Variants in ERI1 observed in about 807,000 individuals in gnomAD.
ERI1 encodes exoribonuclease 1, also known as 3'-5' exoribonuclease 1.
In ERI1, 39 loss-of-function variants were observed where a neutral mutation model predicts 39.7. The observed-to-expected ratio is 0.98, with a 90% CI of 0.76 to 1.28. ERI1 has a LOEUF of 1.28. ERI1 is among the 50% of genes most tolerant of loss of function. The pLI is 0.00. For missense variants in ERI1, 581 were observed against 416.9 expected (o/e 1.39, Z -3.43); for synonymous variants, 204 against 149.6 (o/e 1.36, Z -2.65).
chr8:9,009,020 T>C (rs1816375010), intron 2 of ERI1: 1 of 456,288 alleles, frequency 2.2e-6, no homozygotes, highest in Non-Finnish European at 4.4e-6. Flanking sequence ...CCCGATTCTT[T>C]CTGTTATGAA....
chr8:9,036,975 T>C (rs565836618), downstream of ERI1, among the ~76,000 whole-genome samples: 2 of 152,218 alleles, frequency 1.3e-5, no homozygotes, highest in African/African-American at 4.8e-5. Flanking sequence ...TAGCACAATG[T>C]CCTTTATTGT....
At chr8:9,078,275 C>A (rs1003857149) in intron 3 of ERI1, among the ~76,000 whole-genome samples, 1 of 152,208 alleles carries the variant, frequency 6.6e-6, no homozygotes, top group African/African-American at 2.4e-5. Flanking sequence ...CAAGTGTGAG[C>A]CACCACACCT....
intron 5 of ERI1, 63 bp downstream of exon 5, chr8:9,018,469 T>C: frequency 1.1e-6 from 1 of 935,014 alleles, no homozygotes; most frequent in Non-Finnish European, 1.6e-6. Context: ...TACCCTTATT[T>C]ATCTGATTTT....
intron 3 of ERI1, among the ~76,000 whole-genome samples, chr8:9,090,079 G>T (rs546214056): frequency 3.9e-5 from 6 of 152,142 alleles, no homozygotes; most frequent in African/African-American, 1.4e-4. Flanking sequence ...GCACGTGTGC[G>T]GATGTGCAAC....
chr8:9,042,128 A>G (rs1798043308), intron 3 of ERI1, among the ~76,000 whole-genome samples: 1 of 152,218 alleles, frequency 6.6e-6, no homozygotes, highest in Non-Finnish European at 1.5e-5. Flanking sequence ...AATTAGATGT[A>G]GTAGAATAAG....
chr8:9,067,933 C>CACAA (rs1798933570), intron 3 of ERI1, among the ~76,000 whole-genome samples: 1 of 151,914 alleles, frequency 6.6e-6, no homozygotes, highest in Non-Finnish European at 1.5e-5. Flanking sequence ...TACACACACA[C>CACAA]ACACACACAC....
chr8:9,066,715 A>G (rs1237743799), intron 3 of ERI1, among the ~76,000 whole-genome samples: 1 of 152,236 alleles, frequency 6.6e-6, no homozygotes, highest in Non-Finnish European at 1.5e-5. Flanking sequence ...GAAATTTAAA[A>G]GAAAGGAAGA....
intron 1 of ERI1, among the ~76,000 whole-genome samples, chr8:9,005,398 A>T (rs12680063): frequency 6.6e-6 from 1 of 151,610 alleles, no homozygotes; most frequent in East Asian, 1.9e-4. Context: ...AAAAAATGCT[A>T]AAAATCAAGC....
intron 6 of ERI1, among the ~76,000 whole-genome samples, chr8:9,025,401 G>T (rs1292887872): frequency 1.3e-5 from 2 of 152,178 alleles, no homozygotes; most frequent in African/African-American, 2.4e-5. Context: ...CTTCTTATAG[G>T]GACTTGTTCA....
chr8:9,004,101 C>T (rs2117162757), intron 1 of ERI1: 2 of 1,289,264 alleles, frequency 1.6e-6, no homozygotes, highest in East Asian at 5.5e-5. Flanking sequence ...TGTTCTTTGA[C>T]ATTGGAAAGA....
At position 9,015,709 on chromosome 8, in the gene ERI1, G is replaced by A. The variant is rs113262909; in HGVS notation, c.499-613G>A. On this transcript the variant is annotated intron_variant, in intron 3 of 6. Coordinates refer to ENST00000250263, the MANE Select transcript of ERI1 (RefSeq NM_153332.4). Reference sequence around the variant, plus strand: ...TGCACTCCAGCCTGGGAGACAGAGCGAGACTCTGTCTCCAAAAAAAAAAAA... The same window carrying A: ...TGCACTCCAGCCTGGGAGACAGAGCAAGACTCTGTCTCCAAAAAAAAAAAA... Among the ~76,000 whole-genome samples the A allele has an allele frequency of 8.9e-3, 913 of 102,040 alleles. 8 individuals are homozygous for A. Among genetic ancestry groups the A allele is most frequent in the African/African-American group, 0.043 (869 of 20,414 alleles). 66.9% of individuals were successfully genotyped at this position (102,040 alleles called of 152,430 possible). A position where few individuals can be genotyped will look rare whatever the true frequency, so the allele number is the denominator to read the frequency against.
At chr8:9,010,263 C>G (rs1273889181) in intron 2 of ERI1, among the ~76,000 whole-genome samples, 2 of 152,134 alleles carry the variant, frequency 1.3e-5, no homozygotes, top group African/African-American at 4.8e-5. Flanking sequence ...GCAGACAACT[C>G]TGGTAAATGT....
intron 2 of ERI1, among the ~76,000 whole-genome samples, chr8:9,008,383 G>C (rs1322040741): frequency 6.6e-6 from 1 of 152,144 alleles, no homozygotes; most frequent in African/African-American, 2.4e-5. Context: ...TACCGGCAAT[G>C]TATAGGAGTC....
rs1181156430 is a variant in ERI1 at position 9,016,355 on chromosome 8, AT to A, written c.534del (p.Asn179ThrfsTer11). 1 of 1,607,596 alleles carries A rather than the reference AT, an allele frequency of 6.2e-7. No homozygotes were observed. Among genetic ancestry groups the A allele is most frequent in the African/African-American group, 1.3e-5 (1 of 74,624 alleles). On this transcript the variant is annotated frameshift_variant, in exon 4 of 7. Coordinates refer to ENST00000250263, the MANE Select transcript of ERI1 (RefSeq NM_153332.4). LOFTEE classifies it high-confidence loss of function. ...DTFQQYVRPE[I>X]NTQLSDFCIS... ...GTTTCAGCAGTATGTAAGACCAGAG[AT>A]TAACACACAGCTGTCTGATTTCTGC...
rs138737787 is a variant in ERI1 at position 9,008,077 on chromosome 8, G to T, written c.216G>T (p.Thr72=). ...CGGTTTACAAAGAGATTGCCATTAC[G>T]AATGGCTGTATTAATAGAATGAGTA... ...SDPVYKEIAI[T]NGCINRMSKE... The change falls in exon 2 of 7, where the codon ACG becomes ACT. Residue 72 remains threonine (T), a synonymous_variant. Transcript: ENST00000250263. The T allele has an allele frequency of 1.5e-5, 24 of 1,611,384 alleles. No individual in the cohort carries two copies. The highest frequency in any genetic ancestry group is 2.0e-5 in the Non-Finnish European group (23 of 1,179,350).
rs116352033 is a variant in ERI1 at position 9,042,784 on chromosome 8, A to G, written n.299+22320A>G. Among the ~76,000 whole-genome samples, 1,009 of 152,336 alleles carry G rather than the reference A, an allele frequency of 6.6e-3. 12 individuals are homozygous for G. Among genetic ancestry groups the G allele is most frequent in the African/African-American group, 0.023 (947 of 41,578 alleles). On this transcript the variant is annotated intron_variant and non_coding_transcript_variant, in intron 3 of 3. Transcript: ENST00000518663. ...CATGATTTCGGATTAGTGATGCTCA[A>G]CGAATAAATATCAATATAATACGGA... is the stretch of plus-strand genomic sequence containing the variant.
chr8:9,045,262 T>C (rs1273742392), intron 3 of ERI1, among the ~76,000 whole-genome samples: 1 of 143,738 alleles, frequency 7.0e-6, no homozygotes, highest in Non-Finnish European at 1.5e-5. Context: ...AAAAAAGTAG[T>C]AATATTACGT....
intron 3 of ERI1, among the ~76,000 whole-genome samples, chr8:9,045,833 C>T (rs536981396): frequency 4.0e-5 from 6 of 151,882 alleles, no homozygotes; most frequent in East Asian, 2.0e-4. Flanking sequence ...TGCATCACCA[C>T]GCCTGGCTAA....
intron 3 of ERI1, among the ~76,000 whole-genome samples, chr8:9,064,528 G>A (rs774544023): frequency 6.6e-6 from 1 of 152,096 alleles, no homozygotes; most frequent in Non-Finnish European, 1.5e-5. Flanking sequence ...ACCAGAAAAT[G>A]AAAGGAATTG....
Sources: allele counts gnomAD v4.1 joint callset (sites outside exome capture counted in the v4.1 genomes callset), GRCh38; gene constraint gnomAD v4.1.1; transcripts MANE v1.5; gene names NCBI Gene and HGNC (gene_info 2026-07-23, HGNC 2026-07-21).